EIF3L: variants seen among roughly 807,000 people sequenced by gnomAD.
EIF3L encodes the protein eIEF associated protein HSPC021.
Under a neutral mutation model 74.6 loss-of-function variants are expected in EIF3L, and 32 were observed. That is an observed-to-expected ratio of 0.43 (90% CI 0.32 to 0.58). The LOEUF (loss-of-function observed/expected upper bound fraction) is 0.58. Among genes scored for constraint, EIF3L ranks in the 20% least tolerant of loss-of-function variants. The pLI is 0.06. For missense variants in EIF3L, 474 were observed against 707.8 expected, an observed-to-expected ratio of 0.67 and a Z score of 3.75; for synonymous variants, 256 against 254.4, an observed-to-expected ratio of 1.01 and a Z score of -0.06.
intron 3 of EIF3L, among the ~76,000 whole-genome samples, chr22:37,854,322 C>T (rs540892901): frequency 2.0e-5 from 3 of 152,226 alleles, no homozygotes; most frequent in Non-Finnish European, 4.4e-5. Flanking sequence ...CTTGGAGGGC[C>T]TTGATAACCT....
chr22:37,869,682 G>A lies in EIF3L; in HGVS notation c.580-494G>A, dbSNP rs560853753. Among the ~76,000 whole-genome samples the A allele has an allele frequency of 3.2e-4, 49 of 152,222 alleles. No homozygotes were observed. In the South Asian group the frequency reaches 0.01, roughly 32 times the overall value. ...TGGCCAGACGACTCTGGTTGAGAGT[G>A]GTAGAGAGGTGACATAGTCTGGGAA... On this transcript the variant is annotated intron_variant, in intron 7 of 12. Coordinates refer to ENST00000652021, the MANE Select transcript of EIF3L (RefSeq NM_016091.4).
intron 8 of EIF3L, among the ~76,000 whole-genome samples, chr22:37,871,818 G>A (rs992126080): frequency 1.4e-5 from 2 of 148,102 alleles, no homozygotes; most frequent in African/African-American, 5.0e-5. Flanking sequence ...GCAGTGAGCC[G>A]AGATCGCACC....
At chr22:37,869,942 A>G (rs972260974) in intron 7 of EIF3L, among the ~76,000 whole-genome samples, 2 of 152,172 alleles carry the variant, frequency 1.3e-5, no homozygotes, top group African/African-American at 4.8e-5. Context: ...CTCTAATCCT[A>G]GAGATTTTTA....
At chr22:37,870,457 TG>T in intron 8 of EIF3L, 110 bp downstream of exon 8, 1 of 1,120,600 alleles carries the variant, frequency 8.9e-7, no homozygotes, top group East Asian at 2.5e-5. Flanking sequence ...ATGTCTTAGG[TG>T]GTGGTCTGTT....
chr22:37,862,946 G>T (rs906449914), intron 5 of EIF3L, 23 bp from the exon 6 acceptor site: 1 of 1,568,354 alleles, frequency 6.4e-7, no homozygotes, highest in African/African-American at 1.4e-5. Context: ...TCTGTATCTT[G>T]ATATCTCTTG....
chr22:37,852,069 G>T (rs1925256917), intron 3 of EIF3L, among the ~76,000 whole-genome samples: 1 of 151,954 alleles, frequency 6.6e-6, no homozygotes, highest in Non-Finnish European at 1.5e-5. Flanking sequence ...CTCCCAGAGT[G>T]CTAGGATTAC....
intron 5 of EIF3L, among the ~76,000 whole-genome samples, chr22:37,861,694 AAAAGT>A (rs1925866703): frequency 6.6e-6 from 1 of 152,148 alleles, no homozygotes; most frequent in Non-Finnish European, 1.5e-5. Flanking sequence ...AAAAAAAAAA[AAAAGT>A]AAAGATTCCC....
At chr22:37,876,448 G>C (rs929466322) in intron 10 of EIF3L, 1 of 153,118 alleles carries the variant, frequency 6.5e-6, no homozygotes, top group Admixed American at 6.5e-5. Flanking sequence ...CTACAGACGC[G>C]TGCCACCATG....
At chr22:37,860,681 A>G (rs1601760525) in intron 5 of EIF3L, among the ~76,000 whole-genome samples, 1 of 152,028 alleles carries the variant, frequency 6.6e-6, no homozygotes, top group East Asian at 1.9e-4. Context: ...CCTTCAGCAT[A>G]CTTCTTGAAT....
chr22:37,849,618 C>T (rs1398028811), intron 1 of EIF3L, 136 bp downstream of exon 1: 1 of 977,256 alleles, frequency 1.0e-6, no homozygotes, highest in East Asian at 2.5e-5. Context: ...TCAGGCTGCT[C>T]CCACAGTTCC....
intron 9 of EIF3L, among the ~76,000 whole-genome samples, chr22:37,874,929 G>T (rs1926665897): frequency 7.6e-6 from 1 of 132,434 alleles, no homozygotes; most frequent in African/African-American, 2.7e-5. Context: ...TATTTTAGTA[G>T]AGTTGGGGTT....
chr22:37,859,662 G>C (rs967312379), intron 5 of EIF3L, among the ~76,000 whole-genome samples: 1 of 151,434 alleles, frequency 6.6e-6, no homozygotes, highest in African/African-American at 2.4e-5. Flanking sequence ...GATGACAGGC[G>C]TGAGCCACCA....
chr22:37,870,053 G>A, intron 7 of EIF3L, 123 bp from the exon 8 acceptor site: 1 of 721,706 alleles, frequency 1.4e-6, no homozygotes, highest in Non-Finnish European at 2.2e-6. Context: ...AATGAGAAGT[G>A]GTCATCTCAC....
intron 3 of EIF3L, among the ~76,000 whole-genome samples, chr22:37,852,744 C>T (rs551624860): frequency 1.3e-5 from 2 of 152,132 alleles, no homozygotes; most frequent in East Asian, 3.9e-4. Context: ...GGTGTGGACT[C>T]CAAGGTCCTT....
At position 37,870,175 on chromosome 22, in the gene EIF3L, G is replaced by A; in HGVS notation, c.580-1G>A. On this transcript the variant is annotated splice_acceptor_variant, in intron 7 of 12. Transcript: ENST00000652021. LOFTEE classifies it high-confidence loss of function. ...TGCATGTTTCTTTTCTTCCTCAACA[G>A]TTTCAGTCATTCAGTCAGTACCGCT... 6.3e-7 allele frequency: 1 copy of A among 1,595,906 alleles called. No homozygotes were observed. Among genetic ancestry groups the A allele is most frequent in the Non-Finnish European group, 8.5e-7 (1 of 1,170,648 alleles).
chr22:37,860,008 G>C (rs766800824), intron 5 of EIF3L, among the ~76,000 whole-genome samples: 23 of 151,922 alleles, frequency 1.5e-4, no homozygotes, highest in Non-Finnish European at 2.8e-4. Flanking sequence ...TGAGACTCTT[G>C]TCTCAAAAAG....
chr22:37,881,244 A>G (rs148761500), intron 11 of EIF3L: 65 of 151,970 alleles, frequency 4.3e-4, no homozygotes, highest in African/African-American at 1.5e-3. Context: ...ATTTTTATTT[A>G]TTTATTTAGA....
Position 37,888,600 on chromosome 22 carries a change from G to A in EIF3L, c.*136G>A. ...CAAGTTAAGGACCGAAGTGTTTCAAGTGGATCTCAGTAAAGGATCTTTGGA... is the reference window on the plus strand; with the variant it reads ...CAAGTTAAGGACCGAAGTGTTTCAAATGGATCTCAGTAAAGGATCTTTGGA... On this transcript the variant is annotated 3_prime_UTR_variant, in exon 13 of 13. Transcript: ENST00000652021. 1 of 850,384 alleles carries A rather than the reference G, an allele frequency of 1.2e-6. No homozygotes were observed. Among genetic ancestry groups the A allele is most frequent in the Non-Finnish European group, 1.9e-6 (1 of 525,360 alleles). The allele number at this position is 850,384 out of a possible 1,614,324, so 52.7% of individuals were successfully genotyped here.
chr22:37,857,322 ATTGCGC>A (rs1925573463), intron 4 of EIF3L, among the ~76,000 whole-genome samples: 1 of 122,128 alleles, frequency 8.2e-6, no homozygotes, highest in African/African-American at 3.2e-5. Flanking sequence ...GTGAGCTGAG[ATTGCGC>A]CACTGGACTC....
Sources: allele counts gnomAD v4.1 joint callset (sites outside exome capture counted in the v4.1 genomes callset), GRCh38; gene constraint gnomAD v4.1.1; transcripts MANE v1.5; gene names NCBI Gene and HGNC (gene_info 2026-07-23, HGNC 2026-07-21).